RANGAP1: variants seen among roughly 807,000 people sequenced by gnomAD.
RANGAP1 encodes the protein ran GTPase-activating protein 1.
Under a neutral mutation model 63.5 loss-of-function variants are expected in RANGAP1, and 38 were observed. The ratio of observed to expected loss-of-function variants is 0.60; its 90% CI spans 0.46 to 0.78. The LOEUF (loss-of-function observed/expected upper bound fraction) is 0.78, where lower values mean the gene tolerates loss of function less well. Ranked by LOEUF, RANGAP1 falls within the 30% of genes least tolerant of loss-of-function variation. The pLI is 0.00. For synonymous variants in RANGAP1, 329 were observed against 310.5 expected (o/e 1.06, Z -0.63); for missense variants, 630 against 740.3 (o/e 0.85, Z 1.73).
chr22:41,260,026 T>TG (rs2034073571), intron 6 of RANGAP1, among the ~76,000 whole-genome samples: 1 of 151,684 alleles, frequency 6.6e-6, no homozygotes, highest in Admixed American at 6.6e-5. Flanking sequence ...TTTTTTTTTT[T>TG]GGGTTCAGGG....
At chr22:41,265,196 G>A (rs545612586) in intron 4 of RANGAP1, among the ~76,000 whole-genome samples, 64 of 152,358 alleles carry the variant, frequency 4.2e-4, no homozygotes, top group Non-Finnish European at 7.1e-4. Context: ...GAGCCTGGAG[G>A]AAAGCTGTGG....
chr22:41,255,950 T>C (rs2033802650), intron 10 of RANGAP1, 71 bp downstream of exon 10: 2 of 1,460,254 alleles, frequency 1.4e-6, no homozygotes, highest in Non-Finnish European at 1.9e-6. Context: ...CAAGACTCCA[T>C]CTCAAGAACA....
In RANGAP1 at chr22:41,264,771, C is replaced by T; in HGVS notation, c.373G>A (p.Gly125Arg). 6 of 1,614,068 alleles carry T rather than the reference C, an allele frequency of 3.7e-6. No homozygotes were observed. The highest frequency in any genetic ancestry group is 2.2e-5 in the East Asian group (1 of 44,884). Residue 125 changes from glycine (G) to arginine (R), a missense_variant, in exon 5 of 16, where the codon GGG (glycine) becomes AGG (arginine). Transcript: ENST00000356244. ...VELDLSDNAF[G>R]PDGVQGFEAL... ...TCGAAGCCTTGCACACCGTCGGGCC[C>T]GAATGCGTTGTCGCTTAAGTCCAGC...
At chr22:41,271,537 T>C (rs1395506514) in intron 3 of RANGAP1, among the ~76,000 whole-genome samples, 2 of 150,932 alleles carry the variant, frequency 1.3e-5, no homozygotes, top group Non-Finnish European at 2.9e-5. Context: ...CTACTAAAAA[T>C]ACAAAAAATT....
At chr22:41,270,906 G>C (rs2145794404) in intron 3 of RANGAP1, among the ~76,000 whole-genome samples, 1 of 150,718 alleles carries the variant, frequency 6.6e-6, no homozygotes, top group East Asian at 1.9e-4. Context: ...AGGTCATTCG[G>C]AACAAAGCTC....
intron 5 of RANGAP1, among the ~76,000 whole-genome samples, chr22:41,262,754 G>C (rs1268556112): frequency 6.6e-6 from 1 of 152,188 alleles, no homozygotes; most frequent in Non-Finnish European, 1.5e-5. Context: ...CCGACTGCTA[G>C]GTCACCCCCA....
Position 41,256,093 on chromosome 22 carries a change from C to T in RANGAP1, c.1001G>A (p.Gly334Glu), listed in dbSNP as rs2033813484. 6.2e-7 allele frequency: 1 copy of T among 1,614,012 alleles called. No homozygotes were observed. Among genetic ancestry groups the T allele is most frequent in the African/African-American group, 1.3e-5 (1 of 74,918 alleles). Residue 334 changes from glycine (G) to glutamate (E), a missense_variant, in exon 10 of 16, where the codon GGA becomes GAA. Gly to Glu is a moderately conservative substitution (Grantham distance 98, BLOSUM62 -2). This residue lies in a region of RANGAP1 where 428 missense variants were observed against 465.5 expected (regional missense o/e 0.92). Transcript: ENST00000356244. ...CTGAAGCTGTTCACAGCCTTCTTCTCCCAGGGTGTTGCCTGCTCAAGGGGA... is the reference window on the plus strand; with the variant it reads ...CTGAAGCTGTTCACAGCCTTCTTCTTCCAGGGTGTTGCCTGCTCAAGGGGA... Reference protein sequence around the residue: ...EKLDLNGNTLGEEGCEQLQEV... With the variant: ...EKLDLNGNTLEEEGCEQLQEV...
the RANGAP1 span, among the ~76,000 whole-genome samples, chr22:41,300,440 A>G: frequency 1.4e-5 from 1 of 72,366 alleles, no homozygotes; most frequent in South Asian, 4.3e-4. Context: ...ACACACACAC[A>G]CACACACACA....
At chr22:41,284,870 C>A (rs1601732593) in intron 1 of RANGAP1, 1 of 152,146 alleles carries the variant, frequency 6.6e-6, no homozygotes, top group Non-Finnish European at 1.5e-5. Context: ...AATAAATTAA[C>A]CAGAAACCAG....
At chr22:41,292,694 C>T in the RANGAP1 span, among the ~76,000 whole-genome samples, 2 of 151,968 alleles carry the variant, frequency 1.3e-5, no homozygotes, top group African/African-American at 2.4e-5. Flanking sequence ...TTGCATGAGC[C>T]GAAATCATGC....
chr22:41,262,336 G>A (rs548427560), intron 5 of RANGAP1, among the ~76,000 whole-genome samples: 3 of 152,248 alleles, frequency 2.0e-5, no homozygotes, highest in South Asian at 2.1e-4. Flanking sequence ...AATCACGAGC[G>A]AGTGCACCGA....
chr22:41,247,782 G>T (rs1231096645), intron 15 of RANGAP1, among the ~76,000 whole-genome samples: 1 of 152,240 alleles, frequency 6.6e-6, no homozygotes, highest in Non-Finnish European at 1.5e-5. Flanking sequence ...TGAAGCCAGT[G>T]AACAGGCCAG....
intron 1 of RANGAP1, 149 bp downstream of exon 1, chr22:41,285,837 A>G: frequency 2.1e-6 from 1 of 473,692 alleles, no homozygotes; most frequent in Non-Finnish European, 2.8e-6. Flanking sequence ...CCCCACTCCC[A>G]CCGCCACCCC....
the RANGAP1 span, among the ~76,000 whole-genome samples, chr22:41,294,504 T>C: frequency 5.8e-5 from 8 of 138,012 alleles, no homozygotes; most frequent in African/African-American, 8.2e-5. Flanking sequence ...CCTCTCTGCC[T>C]GGCCGCCCAT....
Position 41,271,400 on chromosome 22 carries a change from A to AAC in RANGAP1, c.240+3199_240+3200insGT, listed in dbSNP as rs1555941555. Among the ~76,000 whole-genome samples, 13 of 150,532 alleles carry AAC rather than the reference A, an allele frequency of 8.6e-5. 1 individual carries two copies. The highest frequency in any genetic ancestry group is 1.8e-4 in the Non-Finnish European group (12 of 67,532). ...GAAACTGTCTCTAAAAAAAAACAAA[A>AAC]AAAAAAAACAAAAACGCCGGGTGCA... On this transcript the variant is annotated intron_variant, in intron 3 of 15. Coordinates refer to ENST00000356244, the MANE Select transcript of RANGAP1 (RefSeq NM_002883.4).
chr22:41,296,836 A>C, the RANGAP1 span, among the ~76,000 whole-genome samples: 1 of 152,194 alleles, frequency 6.6e-6, no homozygotes, highest in East Asian at 1.9e-4. Context: ...ATGAAGACTG[A>C]GAAGTCCTAA....
chr22:41,297,254 C>G, the RANGAP1 span, among the ~76,000 whole-genome samples: 1 of 152,110 alleles, frequency 6.6e-6, no homozygotes. Context: ...TGAAGGCCAT[C>G]ATGGAGGAGG....
intron 3 of RANGAP1, among the ~76,000 whole-genome samples, chr22:41,268,933 A>G (rs970274714): frequency 6.6e-6 from 1 of 152,204 alleles, no homozygotes; most frequent in African/African-American, 2.4e-5. Context: ...ACTTTTTAAC[A>G]AAGGGAGAGC....
At chr22:41,264,885 G>C (rs1307892832) in intron 4 of RANGAP1, 42 bp from the exon 5 acceptor site, 19 of 1,565,572 alleles carry the variant, frequency 1.2e-5, no homozygotes, top group Non-Finnish European at 1.5e-5. Context: ...TAGACACCCA[G>C]CTTCTGTGCT....
Sources: allele counts gnomAD v4.1 joint callset (sites outside exome capture counted in the v4.1 genomes callset), GRCh38; gene constraint gnomAD v4.1.1; regional missense constraint gnomAD v4.1.1; transcripts MANE v1.5; gene names NCBI Gene and HGNC (gene_info 2026-07-23, HGNC 2026-07-21).